NFRKB: variants seen among roughly 807,000 people sequenced by gnomAD.
The protein encoded by NFRKB is nuclear factor related to kappaB binding protein.
In NFRKB, 62 loss-of-function variants were observed where a neutral mutation model predicts 135.7. The observed-to-expected ratio is 0.46, with a 90% CI of 0.37 to 0.56. The LOEUF (loss-of-function observed/expected upper bound fraction) is 0.56, where lower values mean the gene tolerates loss of function less well. NFRKB is among the 20% of genes least tolerant of loss of function. The probability of loss-of-function intolerance (pLI) is 0.00; values close to 1 mark genes in which losing one functional copy is unlikely to be tolerated. For missense variants in NFRKB, 1,545 were observed against 1,662.0 expected, an observed-to-expected ratio of 0.93 and a Z score of 1.22; for synonymous variants, 678 against 635.6, an observed-to-expected ratio of 1.07 and a Z score of -1.00.
rs953183876 is a variant in NFRKB at position 129,885,529 on chromosome 11, C to T, written c.546G>A (p.Glu182=). Residue 182 remains glutamate, a synonymous_variant, in exon 6 of 27, where the codon GAG becomes GAA. Transcript: ENST00000682444. The part of the protein sequence containing the change: ...QKRPSPSRTP[E]EREWRTQQRY... ...GCTGCTGGGTCCGCCACTCCCGCTC[C>T]TCAGGTGTGCGGGATGGTGAAGGGC... is the stretch of plus-strand genomic sequence containing the variant. 1.9e-6 allele frequency: 3 copies of T among 1,614,188 alleles called. No homozygotes were observed. The highest frequency in any genetic ancestry group is 2.5e-6 in the Non-Finnish European group (3 of 1,179,990).
intron 22 of NFRKB, 67 bp downstream of exon 22, chr11:129,873,678 T>C (rs1948624571): frequency 1.3e-6 from 2 of 1,574,870 alleles, no homozygotes; most frequent in Non-Finnish European, 1.7e-6. Flanking sequence ...ACACTGCCCA[T>C]CTGACTCATC....
intron 7 of NFRKB, 56 bp from the exon 8 acceptor site, chr11:129,884,199 C>T: frequency 2.7e-6 from 4 of 1,471,442 alleles, no homozygotes; most frequent in Non-Finnish European, 3.6e-6. Flanking sequence ...TTACATCTTT[C>T]TGGTCACTTT....
At position 129,873,952 on chromosome 11, in the gene NFRKB, G is replaced by A; in HGVS notation, c.2343C>T (p.Ser781=). The change falls in exon 22 of 27, where the codon AGC becomes AGT. Residue 781 remains serine (S), a synonymous_variant. Coordinates refer to ENST00000682444, the MANE Select transcript of NFRKB (RefSeq NM_001143835.2). ...CAGCCTGAGAACTGGGTGCAGTCTG[G>A]CTGGAAGCTGGGGAAAGCATTGTTC... ...HLGTMLSPAS[S]QTAPSSQAAA... The A allele has an allele frequency of 6.2e-7, 1 of 1,612,932 alleles. No homozygotes were observed. Among genetic ancestry groups the A allele is most frequent in the Non-Finnish European group, 8.5e-7 (1 of 1,180,006 alleles).
At chr11:129,869,267 C>A (rs1437509554) in intron 24 of NFRKB, among the ~76,000 whole-genome samples, 1 of 152,022 alleles carries the variant, frequency 6.6e-6, no homozygotes, top group Non-Finnish European at 1.5e-5. Flanking sequence ...AATTGTGTTT[C>A]AAAGGAAACA....
chr11:129,869,708 G>A lies in NFRKB; in HGVS notation c.3317C>T (p.Thr1106Ile). Reference sequence around the variant, plus strand: ...CCCTTGCTTGGCGTGGGTTGCAACGGTGATGGTCTGGCCTGCTTTGGGAGG... The same window carrying A: ...CCCTTGCTTGGCGTGGGTTGCAACGATGATGGTCTGGCCTGCTTTGGGAGG... ...VMPPKAGQTITVATHAKQGAS... is the reference protein window; with the variant it reads ...VMPPKAGQTIIVATHAKQGAS... Residue 1106 changes from threonine (T) to isoleucine (I), a missense_variant, in exon 24 of 27, where the codon ACC becomes ATC. Physicochemically the swap from Thr to Ile is moderately conservative, Grantham distance 89. Transcript: ENST00000682444. 6.2e-7 allele frequency: 1 copy of A among 1,614,254 alleles called. No homozygotes were observed. The highest frequency in any genetic ancestry group is 8.5e-7 in the Non-Finnish European group (1 of 1,180,052).
intron 2 of NFRKB, chr11:129,894,138 G>C (rs1004953468): frequency 5.3e-5 from 8 of 152,140 alleles, no homozygotes; most frequent in African/African-American, 1.9e-4. Context: ...TGGGATTAGG[G>C]GTCAAGTTGA....
At position 129,865,887 on chromosome 11, in the gene NFRKB, G is replaced by A; in HGVS notation, c.3628C>T (p.Leu1210Phe). 5.6e-6 allele frequency: 9 copies of A among 1,614,076 alleles called. No individual in the cohort carries two copies. The highest frequency in any genetic ancestry group is 6.8e-6 in the Non-Finnish European group (8 of 1,180,004). Residue 1210 changes from leucine (L) to phenylalanine (F), a missense_variant, in exon 25 of 27, where the codon CTT becomes TTT. Leu to Phe is a conservative substitution (Grantham distance 22, BLOSUM62 0). Coordinates refer to ENST00000682444, the MANE Select transcript of NFRKB (RefSeq NM_001143835.2). Reference protein sequence around the residue: ...VVTAPIIKGNLGANLSGLGRN... With the variant: ...VVTAPIIKGNFGANLSGLGRN... ...TGACATAGTACTTACTTGGCTCCAAGGTTGCCTTTGATGATGGGGGCTGTG... is the reference window on the plus strand; with the variant it reads ...TGACATAGTACTTACTTGGCTCCAAAGTTGCCTTTGATGATGGGGGCTGTG...
At position 129,873,905 on chromosome 11, in the gene NFRKB, G is replaced by A; in HGVS notation, c.2390C>T (p.Ser797Phe). 6.2e-7 allele frequency: 1 copy of A among 1,613,954 alleles called. No homozygotes were observed. Among genetic ancestry groups the A allele is most frequent in the African/African-American group, 1.3e-5 (1 of 75,060 alleles). ...CACCTGAGACAGTCCAGCAGAGCCA[G>A]AGTGGCTCACGACCCGGGCGGCAGC... is the stretch of plus-strand genomic sequence containing the variant. The part of the protein sequence containing the change: ...SQAAARVVSH[S>F]GSAGLSQVRV... The change falls in exon 22 of 27, where the codon TCT becomes TTT. Residue 797 changes from serine to phenylalanine, a missense_variant. Coordinates refer to ENST00000682444, the MANE Select transcript of NFRKB (RefSeq NM_001143835.2).
intron 3 of NFRKB, among the ~76,000 whole-genome samples, chr11:129,890,030 T>TTG (rs71057985): frequency 9.9e-5 from 3 of 30,426 alleles, no homozygotes; most frequent in Middle Eastern, 0.031. Context: ...GGTTTTTTTG[T>TTG]TTTTTTTTTT....
chr11:129,890,488 G>C (rs1429167317), intron 3 of NFRKB, among the ~76,000 whole-genome samples: 1 of 152,188 alleles, frequency 6.6e-6, no homozygotes, highest in African/African-American at 2.4e-5. Context: ...GGGAGGATCA[G>C]AGAACAGCAC....
At chr11:129,881,539 T>C (rs748979724) in intron 12 of NFRKB, 31 bp from the exon 13 acceptor site, 21 of 1,613,150 alleles carry the variant, frequency 1.3e-5, no homozygotes, top group African/African-American at 2.7e-5. Context: ...AAACAAACCA[T>C]ACAGGTGCGT....
In NFRKB at chr11:129,878,595, A is replaced by C. The variant is rs748456130; in HGVS notation, c.1385-52T>G. ...AATAAGAAGGTCTAAGGTATTATTG[A>C]GAATCCTGCTTTCTCTTTACTAGCT... On this transcript the variant is annotated intron_variant, in intron 13 of 26. Transcript: ENST00000682444. The C allele has an allele frequency of 2.1e-6, 3 of 1,426,742 alleles. No individual in the cohort carries two copies. In the Admixed American group the frequency reaches 5.4e-5, roughly 26 times the overall value. 88.4% of individuals were successfully genotyped at this position (1,426,742 alleles called of 1,614,324 possible).
Position 129,873,792 on chromosome 11 carries a change from G to A in NFRKB, c.2503C>T (p.Gln835Ter). Residue 835 changes from glutamine to a stop codon, truncating the protein, a stop_gained, in exon 22 of 27, where the codon CAG becomes TAG. Coordinates refer to ENST00000682444, the MANE Select transcript of NFRKB (RefSeq NM_001143835.2). LOFTEE classifies it high-confidence loss of function. ...GTGGCAGTGGCTGGAACCCGGATCT[G>A]CGGTCCTGCTGGCATCTGTGGCAAT... ...QTLPQMPAGP[Q>*]IRVPATATQT... 1.9e-6 allele frequency: 3 copies of A among 1,614,150 alleles called. No individual in the cohort carries two copies. The highest frequency in any genetic ancestry group is 2.5e-6 in the Non-Finnish European group (3 of 1,180,008).
At position 129,876,858 on chromosome 11, in the gene NFRKB, G is replaced by A; in HGVS notation, c.1610C>T (p.Thr537Ile). The stretch of plus-strand genomic sequence containing the variant: ...AGACTCAAAGCCGTGCATGCGAAAG[G>A]TGAACGCCTTATGGGGTTGGCTATA... Reference protein sequence around the residue: ...YRYSQPHKAFTFRMHGFESVV... With the variant: ...YRYSQPHKAFIFRMHGFESVV... Residue 537 changes from threonine (T) to isoleucine (I), a missense_variant, in exon 17 of 27, where the codon ACC becomes ATC. By Grantham distance (89) the Thr-to-Ile change is moderately conservative. Around this residue, in one of 3 missense-constraint regions of NFRKB, gnomAD observed 114 missense variants for 211.0 expected, o/e 0.54. Coordinates refer to ENST00000682444, the MANE Select transcript of NFRKB (RefSeq NM_001143835.2). The A allele has an allele frequency of 6.2e-7, 1 of 1,614,196 alleles. No individual in the cohort carries two copies. Among genetic ancestry groups the A allele is most frequent in the Non-Finnish European group, 8.5e-7 (1 of 1,180,036 alleles).
chr11:129,872,776 G>A (rs900328812), intron 23 of NFRKB, 108 bp downstream of exon 23: 6 of 1,170,650 alleles, frequency 5.1e-6, no homozygotes, highest in Non-Finnish European at 7.3e-6. Context: ...AGTCGAAGAT[G>A]ACAAATCTTC....
Position 129,870,223 on chromosome 11 carries a change from T to C in NFRKB, c.2802A>G (p.Thr934=). The part of the protein sequence containing the change: ...ITGQLGVKPQ[T]GNSIPLTATN... ...TGGCTGTGAGTGGAATGCTGTTGCC[T>C]GTTTGGGGCTTCACACCAAGCTGCC... Residue 934 remains threonine, a synonymous_variant, in exon 24 of 27, where the codon ACA becomes ACG. Transcript: ENST00000682444. 1 of 1,614,122 alleles carries C rather than the reference T, an allele frequency of 6.2e-7. No individual in the cohort carries two copies. Among genetic ancestry groups the C allele is most frequent in the Non-Finnish European group, 8.5e-7 (1 of 1,179,970 alleles).
Position 129,881,730 on chromosome 11 carries a change from G to A in NFRKB, c.1315C>T (p.Arg439Ter), listed in dbSNP as rs1949037834. The change falls in exon 12 of 27, where the codon CGA (arginine) becomes TGA (stop). Residue 439 changes from arginine (R) to a stop codon, truncating the protein, a stop_gained. Transcript: ENST00000682444. LOFTEE classifies it high-confidence loss of function. ...PALQYLAGES[R>*]AVPSSFSPFV... ...CCTACAAAAAAGAGCATCTTACCTC[G>A]ACTTTCTCCAGCAAGATACTGCAGG... is the stretch of plus-strand genomic sequence containing the variant. 1.9e-6 allele frequency: 3 copies of A among 1,613,958 alleles called. No individual in the cohort carries two copies. Among genetic ancestry groups the A allele is most frequent in the Middle Eastern group, 1.6e-4 (1 of 6,062 alleles).
intron 23 of NFRKB, among the ~76,000 whole-genome samples, chr11:129,871,925 C>T (rs1021188590): frequency 3.3e-5 from 5 of 151,942 alleles, no homozygotes; most frequent in African/African-American, 1.2e-4. Flanking sequence ...TCTTCTAACA[C>T]CCTCACACTT....
chr11:129,887,804 G>A (rs1949349968), intron 4 of NFRKB, among the ~76,000 whole-genome samples: 2 of 152,204 alleles, frequency 1.3e-5, no homozygotes, highest in African/African-American at 4.8e-5. Context: ...TTGGGAGGCC[G>A]AGGCGGGCAG....
Sources: allele counts gnomAD v4.1 joint callset (sites outside exome capture counted in the v4.1 genomes callset), GRCh38; gene constraint gnomAD v4.1.1; regional missense constraint gnomAD v4.1.1; transcripts MANE v1.5; gene names NCBI Gene and HGNC (gene_info 2026-07-23, HGNC 2026-07-21).